The following SPIDR variants were observed in gnomAD, a reference collection of about 807,000 sequenced individuals.
SPIDR encodes the protein scaffold protein involved in DNA repair, also known as DNA repair-scaffolding protein.
In SPIDR, 93 loss-of-function variants were observed where a neutral mutation model predicts 104.6. That is an observed-to-expected ratio of 0.89 (90% confidence interval 0.75 to 1.06). The LOEUF (loss-of-function observed/expected upper bound fraction) is 1.06, where lower values mean the gene tolerates loss of function less well. Among genes scored for constraint, SPIDR ranks in the 50% least tolerant of loss-of-function variants. The pLI, the probability that SPIDR is intolerant of heterozygous loss-of-function variation, is 0.00. For synonymous variants in SPIDR, 431 were observed against 416.9 expected (o/e 1.03, Z -0.41); for missense variants, 1,154 against 1,111.2 (o/e 1.04, Z -0.55).
intron 5 of SPIDR, among the ~76,000 whole-genome samples, chr8:47,390,970 C>T (rs947498645): frequency 6.6e-6 from 1 of 152,286 alleles, no homozygotes; most frequent in East Asian, 1.9e-4. Context: ...TATTCCCTCT[C>T]TCTTCCACCC....
At chr8:47,416,538 G>A (rs1300413357) in intron 7 of SPIDR, among the ~76,000 whole-genome samples, 2 of 152,048 alleles carry the variant, frequency 1.3e-5, no homozygotes, top group African/African-American at 4.8e-5. Context: ...TGGGATAAAT[G>A]ATCAAGATTG....
At chr8:47,375,259 T>G (rs2058521406) in intron 5 of SPIDR, among the ~76,000 whole-genome samples, 1 of 140,796 alleles carries the variant, frequency 7.1e-6, no homozygotes, top group Admixed American at 7.1e-5. Context: ...TTTTTTTTTT[T>G]GAGCCAGAGT....
chr8:47,722,767 A>C (rs2083585224), intron 16 of SPIDR, among the ~76,000 whole-genome samples: 1 of 151,154 alleles, frequency 6.6e-6, no homozygotes, highest in Admixed American at 6.6e-5. Flanking sequence ...TGGATTTTTT[A>C]TTGGTTTTTT....
At chr8:47,533,795 G>C (rs1192218045) in intron 8 of SPIDR, among the ~76,000 whole-genome samples, 1 of 152,190 alleles carries the variant, frequency 6.6e-6, no homozygotes, top group Non-Finnish European at 1.5e-5. Context: ...GCAGAGAAAA[G>C]GGAACCCTAA....
intron 8 of SPIDR, among the ~76,000 whole-genome samples, chr8:47,459,744 G>A (rs2073628834): frequency 6.6e-6 from 1 of 151,764 alleles, no homozygotes; most frequent in African/African-American, 2.4e-5. Context: ...TGTTTGTACT[G>A]TTTCAGACTT....
intron 14 of SPIDR, among the ~76,000 whole-genome samples, chr8:47,703,761 C>T (rs1249718856): frequency 6.6e-6 from 1 of 152,224 alleles, no homozygotes; most frequent in Non-Finnish European, 1.5e-5. Flanking sequence ...TGCTGACGTT[C>T]TTCAGGTGCT....
chr8:47,399,872 C>T (rs1208082576), intron 6 of SPIDR, among the ~76,000 whole-genome samples: 10 of 152,282 alleles, frequency 6.6e-5, no homozygotes, highest in South Asian at 4.1e-4. Context: ...TACAGAGTAA[C>T]GCTACTAGAG....
At chr8:47,411,328 C>T (rs1307468632) in intron 7 of SPIDR, among the ~76,000 whole-genome samples, 1 of 152,172 alleles carries the variant, frequency 6.6e-6, no homozygotes, top group Non-Finnish European at 1.5e-5. Flanking sequence ...CCCGTTGTTT[C>T]CTGACTTTTT....
chr8:47,491,035 G>A (rs543649368), intron 8 of SPIDR, among the ~76,000 whole-genome samples: 7 of 152,042 alleles, frequency 4.6e-5, no homozygotes, highest in South Asian at 4.2e-4. Context: ...CTTTCTACAC[G>A]TGTCAAAAAC....
intron 8 of SPIDR, among the ~76,000 whole-genome samples, chr8:47,544,271 G>A (rs1230556695): frequency 6.6e-6 from 1 of 151,870 alleles, no homozygotes; most frequent in East Asian, 1.9e-4. Context: ...GAAATTTTGA[G>A]GGTTCTTAAT....
chr8:47,383,548 A>G (rs1178291771), intron 5 of SPIDR, among the ~76,000 whole-genome samples: 2 of 152,144 alleles, frequency 1.3e-5, no homozygotes, highest in Admixed American at 1.3e-4. Flanking sequence ...GAATGCACAG[A>G]CTTTACCACT....
intron 19 of SPIDR, 50 bp from the exon 20 acceptor site, chr8:47,735,250 TGGGAACA>T: frequency 1.3e-6 from 2 of 1,564,710 alleles, no homozygotes; most frequent in Non-Finnish European, 1.8e-6. Context: ...TCCGTGTTGT[TGGGAACA>T]GTACGTCCCA....
intron 10 of SPIDR, among the ~76,000 whole-genome samples, chr8:47,615,942 A>G (rs1453807320): frequency 6.6e-6 from 1 of 152,040 alleles, no homozygotes; most frequent in Non-Finnish European, 1.5e-5. Flanking sequence ...TGATGTTATT[A>G]TAAACCAGTT....
chr8:47,270,246 G>A (rs977720411), intron 1 of SPIDR, among the ~76,000 whole-genome samples: 3 of 152,266 alleles, frequency 2.0e-5, no homozygotes, highest in South Asian at 2.1e-4. Context: ...ATAAATCACC[G>A]TTGTACTCTG....
At chr8:47,467,319 A>T (rs557935853) in intron 8 of SPIDR, among the ~76,000 whole-genome samples, 2 of 152,200 alleles carry the variant, frequency 1.3e-5, no homozygotes, top group Non-Finnish European at 2.9e-5. Flanking sequence ...TACTGAAACT[A>T]TTCCGAAAAA....
chr8:47,339,679 CT>C (rs199765975), intron 5 of SPIDR, among the ~76,000 whole-genome samples: 3,389 of 135,808 alleles, frequency 0.025, 78 homozygotes, highest in African/African-American at 0.079. Context: ...TGTTTACAAT[CT>C]TTTTTTTTTT....
intron 10 of SPIDR, among the ~76,000 whole-genome samples, chr8:47,655,137 A>G (rs562491558): frequency 6.6e-6 from 1 of 152,096 alleles, no homozygotes; most frequent in South Asian, 2.1e-4. Context: ...TGTTGGACAT[A>G]TGGGTTGGTT....
intron 16 of SPIDR, among the ~76,000 whole-genome samples, chr8:47,722,137 T>G (rs1010318674): frequency 1.3e-5 from 2 of 152,220 alleles, no homozygotes; most frequent in African/African-American, 4.8e-5. Flanking sequence ...ATTTATTTTG[T>G]TGCTATTGTA....
At chr8:47,449,494 T>G (rs1304380871) in intron 8 of SPIDR, among the ~76,000 whole-genome samples, 1 of 152,208 alleles carries the variant, frequency 6.6e-6, no homozygotes, top group East Asian at 1.9e-4. Context: ...GTTTTATATT[T>G]GCCACATGAG....
Sources: gnomAD v4.1 joint callset for allele counts (sites outside exome capture counted in the v4.1 genomes callset) on GRCh38, gnomAD v4.1.1 for gene constraint, MANE v1.5 for transcripts, NCBI Gene and HGNC (gene_info 2026-07-23, HGNC 2026-07-21) for gene names.